RYR1: variants seen among roughly 807,000 people sequenced by gnomAD.
RYR1 encodes ryanodine receptor 1.
A neutral mutation model predicts 583.5 loss-of-function variants in RYR1; 342 were observed. The ratio of observed to expected loss-of-function variants is 0.59; its 90% CI spans 0.54 to 0.64. RYR1 has a LOEUF of 0.64. Among genes scored for constraint, RYR1 ranks in the 30% least tolerant of loss-of-function variants. RYR1 has a pLI of 0.00. For synonymous variants in RYR1, 2,791 were observed against 2,822.5 expected, an observed-to-expected ratio of 0.99 and a Z score of 0.35; for missense variants, 6,032 against 6,917.2, an observed-to-expected ratio of 0.87 and a Z score of 4.54.
chr19:38,504,708 T>TATAGCG (rs1461649514), intron 50 of RYR1, 40 bp from the exon 51 acceptor site: 9 of 1,592,504 alleles, frequency 5.7e-6, no homozygotes, highest in South Asian at 2.2e-5. Context: ...CAGTAAGGCT[T>TATAGCG]ATAGCGACCT....
At position 38,527,654 on chromosome 19, in the gene RYR1, G is replaced by C. The variant is rs761545088; in HGVS notation, c.10694G>C (p.Gly3565Ala). ...NNLHLQGKVEGSPSLRWQMAL... is the reference protein window; with the variant it reads ...NNLHLQGKVEASPSLRWQMAL... ...CCTTCTTCCTCCCTTCAGGTCGAAGGCTCCCCGTCTCTGCGCTGGCAGATG... is the reference window on the plus strand; with the variant it reads ...CCTTCTTCCTCCCTTCAGGTCGAAGCCTCCCCGTCTCTGCGCTGGCAGATG... The change falls in exon 73 of 106, where the codon GGC becomes GCC. Residue 3565 changes from glycine (G) to alanine (A), a missense_variant. Transcript: ENST00000359596. 4 of 1,614,110 alleles carry C rather than the reference G, an allele frequency of 2.5e-6. No individual in the cohort carries two copies. The South Asian group carries it at 3.3e-5, about 13-fold the overall frequency.
chr19:38,562,309 G>A (rs1973182535), intron 90 of RYR1, among the ~76,000 whole-genome samples: 1 of 151,980 alleles, frequency 6.6e-6, no homozygotes, highest in African/African-American at 2.4e-5. Context: ...TGCCCCAAGG[G>A]TACACTCACG....
intron 49 of RYR1, among the ~76,000 whole-genome samples, chr19:38,503,235 G>A (rs1192812883): frequency 6.6e-6 from 1 of 152,154 alleles, no homozygotes; most frequent in African/African-American, 2.4e-5. Flanking sequence ...GCTTCAATTA[G>A]CATATATTTG....
intron 66 of RYR1, 110 bp downstream of exon 66, chr19:38,517,801 A>G: frequency 6.5e-6 from 7 of 1,080,822 alleles, no homozygotes; most frequent in Non-Finnish European, 9.6e-6. Flanking sequence ...GAGGAGTCAG[A>G]GTGTAGGTTT....
chr19:38,569,471 C>G (rs749471080), intron 93 of RYR1, among the ~76,000 whole-genome samples: 6 of 151,770 alleles, frequency 4.0e-5, no homozygotes, highest in African/African-American at 1.2e-4. Flanking sequence ...GGGAGGATCA[C>G]TTAAGCACAG....
At chr19:38,449,297 TA>T (rs1488201126) in intron 11 of RYR1, among the ~76,000 whole-genome samples, 5 of 151,590 alleles carry the variant, frequency 3.3e-5, no homozygotes, top group African/African-American at 1.2e-4. Flanking sequence ...CTGTCTCTAC[TA>T]AAAATACAAA....
Position 38,565,153 on chromosome 19 carries a change from AGGCGCGGAGGAG to A in RYR1, c.12827_12838del (p.Glu4276_Ala4279del). 6.7e-7 allele frequency: 1 copy of A among 1,499,624 alleles called. No individual in the cohort carries two copies. The highest frequency in any genetic ancestry group is 1.2e-5 in the South Asian group (1 of 82,206). 92.9% of individuals were successfully genotyped at this position (1,499,624 alleles called of 1,614,324 possible). On this transcript the variant is annotated inframe_deletion, in exon 91 of 106. Coordinates refer to ENST00000359596, the MANE Select transcript of RYR1 (RefSeq NM_000540.3). The surrounding 1 kb of genome is among the most constrained non-coding windows in gnomAD (Gnocchi z 4.7). ...CGGGCGCGGCGGAGGCGGGCGCGGAAGGCGCGGAGGAGGGCGCGGCGGGGCTCGAGGGCACGG... is the reference window on the plus strand; with the variant it reads ...CGGGCGCGGCGGAGGCGGGCGCGGAAGGCGCGGCGGGGCTCGAGGGCACGG...
chr19:38,544,025 T>C (rs1242191799), intron 87 of RYR1, 150 bp downstream of exon 87: 1 of 788,366 alleles, frequency 1.3e-6, no homozygotes, highest in African/African-American at 1.7e-5. Flanking sequence ...CCATCCTCTT[T>C]CTGGATTGGC....
intron 29 of RYR1, among the ~76,000 whole-genome samples, chr19:38,477,444 G>A (rs1321504283): frequency 2.0e-5 from 3 of 152,116 alleles, no homozygotes; most frequent in Non-Finnish European, 4.4e-5. Context: ...TGCCTGGCCT[G>A]CAATTATTTA....
In RYR1 at chr19:38,457,500, C is replaced by G. The variant is rs190885369; in HGVS notation, c.1795C>G (p.Leu599Val). The G allele has an allele frequency of 1.2e-6, 2 of 1,614,098 alleles. No individual in the cohort carries two copies. The highest frequency in any genetic ancestry group is 2.2e-5 in the East Asian group (1 of 44,886). The part of the protein sequence containing the change: ...LDKHGRNHKV[L>V]DVLCSLCVCN... ...AACCTCTGACCTTGACCTCTAGGTC[C>G]TGGACGTGCTATGCTCCCTGTGTGT... is the stretch of plus-strand genomic sequence containing the variant. Residue 599 changes from leucine (L) to valine (V), a missense_variant, in exon 17 of 106, where the codon CTG (leucine) becomes GTG (valine). By Grantham distance (32) the Leu-to-Val change is conservative. Around this residue, in one of 11 missense-constraint regions of RYR1, gnomAD observed 2,627 missense variants for 2,961.3 expected, o/e 0.89. Transcript: ENST00000359596.
intron 11 of RYR1, 103 bp from the exon 12 acceptor site, chr19:38,451,661 A>G (rs1031612846): frequency 1.9e-5 from 26 of 1,351,498 alleles, no homozygotes; most frequent in Non-Finnish European, 2.3e-5. Flanking sequence ...TCTGCAGAGC[A>G]GGGAGGAGGG....
intron 1 of RYR1, 92 bp from the exon 2 acceptor site, chr19:38,440,653 A>G (rs1972628048): frequency 2.0e-6 from 3 of 1,480,850 alleles, no homozygotes; most frequent in Non-Finnish European, 2.8e-6. Context: ...TCTTTTTCAT[A>G]AGGACCAGGG....
chr19:38,556,393 G>T (rs1384381491), intron 89 of RYR1, among the ~76,000 whole-genome samples: 5 of 151,690 alleles, frequency 3.3e-5, no homozygotes, highest in Non-Finnish European at 7.4e-5. Flanking sequence ...GAGGCAGGAG[G>T]ATCTCTTGAA....
chr19:38,506,021 G>A (rs1351804063), intron 54 of RYR1, 75 bp downstream of exon 54: 4 of 1,578,130 alleles, frequency 2.5e-6, no homozygotes, highest in East Asian at 4.5e-5. Context: ...GGCCAGACAG[G>A]GAAGGGATGG....
In RYR1 at chr19:38,489,361, A is replaced by G; in HGVS notation, c.5732A>G (p.Glu1911Gly). The G allele has an allele frequency of 6.2e-7, 1 of 1,613,032 alleles. No individual in the cohort carries two copies. The highest frequency in any genetic ancestry group is 8.5e-7 in the Non-Finnish European group (1 of 1,179,034). Residue 1911 changes from glutamate (E) to glycine (G), a missense_variant, in exon 35 of 106, where the codon GAG becomes GGG. This residue lies in a region of RYR1 where 2,627 missense variants were observed against 2,961.3 expected (regional missense o/e 0.89). Coordinates refer to ENST00000359596, the MANE Select transcript of RYR1 (RefSeq NM_000540.3). The stretch of plus-strand genomic sequence containing the variant: ...AAGGAAGATGAGGAAAAAGAGGAAG[A>G]GGAGGCAGCAGAAGGGGAGAAAGAA... ...QEKEDEEKEEEEAAEGEKEEG... is the reference protein window; with the variant it reads ...QEKEDEEKEEGEAAEGEKEEG...
chr19:38,458,020 AT>A, intron 17 of RYR1, 30 bp from the exon 18 acceptor site: 1 of 1,610,956 alleles, frequency 6.2e-7, no homozygotes, highest in Non-Finnish European at 8.5e-7. Context: ...CCTCTCCGTC[AT>A]CCCCCTCTCC....
At chr19:38,463,381 TA>T (rs1568458116) in intron 20 of RYR1, 41 bp from the exon 21 acceptor site, 1 of 1,545,770 alleles carries the variant, frequency 6.5e-7, no homozygotes, top group Non-Finnish European at 8.9e-7. Flanking sequence ...TGGAGGAGGG[TA>T]GAGGGACCTT....
chr19:38,527,612 C>A (rs758994483), intron 72 of RYR1, 35 bp from the exon 73 acceptor site: 4 of 1,612,776 alleles, frequency 2.5e-6, no homozygotes, highest in African/African-American at 2.7e-5. Context: ...TGGGAAGGGT[C>A]CCTCACGCCG....
chr19:38,435,035 T>C (rs559190529), intron 1 of RYR1, among the ~76,000 whole-genome samples: 247 of 152,094 alleles, frequency 1.6e-3, no homozygotes, highest in Middle Eastern at 3.4e-3. Flanking sequence ...GCAGACACCA[T>C]GGGTCGGGCC....
Sources: gnomAD v4.1 joint callset for allele counts (sites outside exome capture counted in the v4.1 genomes callset) on GRCh38, gnomAD v4.1.1 for gene constraint, gnomAD v4.1.1 regional missense constraint, Gnocchi (gnomAD v3.1) non-coding constraint, MANE v1.5 for transcripts, NCBI Gene and HGNC (gene_info 2026-07-23, HGNC 2026-07-21) for gene names.